The following GRID2 variants were observed in gnomAD, a reference collection of about 807,000 sequenced individuals.
GRID2 encodes the protein glutamate ionotropic receptor delta type subunit 2, also known as glutamate receptor ionotropic, delta-2.
Under a neutral mutation model 114.8 loss-of-function variants are expected in GRID2, and 33 were observed. The observed-to-expected ratio is 0.29, with a 90% CI of 0.22 to 0.38. The LOEUF (loss-of-function observed/expected upper bound fraction) is 0.38. GRID2 is among the 10% of genes least tolerant of loss of function. The pLI, the probability that GRID2 is intolerant of heterozygous loss-of-function variation, is 1.00. For synonymous variants in GRID2, 505 were observed against 449.9 expected (o/e 1.12, Z -1.55); for missense variants, 1,184 against 1,257.7 (o/e 0.94, Z 0.89).
chr4:93,600,398 A>G (rs1739553026), intron 13 of GRID2, among the ~76,000 whole-genome samples: 1 of 152,210 alleles, frequency 6.6e-6, no homozygotes, highest in Non-Finnish European at 1.5e-5. Flanking sequence ...ATAATAAAAA[A>G]TAAACAAAAG....
intron 14 of GRID2, among the ~76,000 whole-genome samples, chr4:93,685,958 A>C (rs777388916): frequency 6.6e-6 from 1 of 152,040 alleles, no homozygotes; most frequent in African/African-American, 2.4e-5. Flanking sequence ...AGTGTCTGAC[A>C]TAAGTTAGTG....
At chr4:92,595,882 A>G (rs1728927261) in intron 2 of GRID2, among the ~76,000 whole-genome samples, 1 of 152,150 alleles carries the variant, frequency 6.6e-6, no homozygotes, top group South Asian at 2.1e-4. Flanking sequence ...AGTCTAGTCC[A>G]AAGAAGATGT....
At chr4:93,362,442 T>A (rs1489496670) in intron 8 of GRID2, among the ~76,000 whole-genome samples, 1 of 151,978 alleles carries the variant, frequency 6.6e-6, no homozygotes, top group Non-Finnish European at 1.5e-5. Flanking sequence ...TTGTCTTAAA[T>A]GTTTGGCAGG....
intron 2 of GRID2, among the ~76,000 whole-genome samples, chr4:92,886,813 G>T (rs1242493304): frequency 6.6e-6 from 1 of 152,012 alleles, no homozygotes; most frequent in African/African-American, 2.4e-5. Flanking sequence ...TTTTAGTAGA[G>T]ACGGGGTTTC....
intron 13 of GRID2, among the ~76,000 whole-genome samples, chr4:93,557,553 T>A (rs1734444153): frequency 6.6e-6 from 1 of 152,214 alleles, no homozygotes; most frequent in Non-Finnish European, 1.5e-5. Context: ...CCTACATATA[T>A]ATGCACCCAA....
chr4:92,869,416 G>A (rs1215523121), intron 2 of GRID2, among the ~76,000 whole-genome samples: 1 of 152,174 alleles, frequency 6.6e-6, no homozygotes, highest in Non-Finnish European at 1.5e-5. Context: ...TGGATATAAT[G>A]AGCTGATCGA....
At chr4:93,275,747 G>A (rs768309858) in intron 8 of GRID2, among the ~76,000 whole-genome samples, 8 of 151,574 alleles carry the variant, frequency 5.3e-5, no homozygotes, top group Non-Finnish European at 8.9e-5. Flanking sequence ...TCCTGTGCTC[G>A]TTGGCCATTT....
At chr4:92,331,879 T>C (rs771538589) in intron 1 of GRID2, among the ~76,000 whole-genome samples, 7 of 152,216 alleles carry the variant, frequency 4.6e-5, no homozygotes, top group African/African-American at 7.2e-5. Flanking sequence ...TATTTTCCCC[T>C]ACCTCTTTCC....
At chr4:93,043,030 T>TAGAAGATAAATATTTTTCCC (rs1725751865) in intron 2 of GRID2, among the ~76,000 whole-genome samples, 2 of 152,108 alleles carry the variant, frequency 1.3e-5, no homozygotes, top group South Asian at 2.1e-4. Context: ...TGTCTGATTA[T>TAGAAGATAAATATTTTTCCC]AGAAGATAAA....
chr4:93,164,169 G>A (rs1020946965), intron 4 of GRID2, among the ~76,000 whole-genome samples: 34 of 151,844 alleles, frequency 2.2e-4, no homozygotes, highest in African/African-American at 7.7e-4. Flanking sequence ...GGAAAAAAAA[G>A]GTAATTTAGA....
intron 1 of GRID2, among the ~76,000 whole-genome samples, chr4:92,412,727 G>C (rs1409013325): frequency 3.9e-5 from 6 of 152,054 alleles, no homozygotes; most frequent in African/African-American, 1.5e-4. Flanking sequence ...CACATACCCT[G>C]TTGCACTTTA....
intron 14 of GRID2, among the ~76,000 whole-genome samples, chr4:93,755,027 T>C (rs976390860): frequency 6.6e-6 from 1 of 152,212 alleles, no homozygotes; most frequent in Non-Finnish European, 1.5e-5. Context: ...ACGTTGTGCA[T>C]GTAGCTCTTG....
At chr4:93,080,526 A>G (rs1267777672) in intron 2 of GRID2, among the ~76,000 whole-genome samples, 1 of 152,188 alleles carries the variant, frequency 6.6e-6, no homozygotes, top group Non-Finnish European at 1.5e-5. Flanking sequence ...ATACATGACT[A>G]CCACACTGGA....
At chr4:92,948,095 T>C (rs1181749860) in intron 2 of GRID2, among the ~76,000 whole-genome samples, 1 of 151,908 alleles carries the variant, frequency 6.6e-6, no homozygotes, top group Non-Finnish European at 1.5e-5. Context: ...TATTTATGGC[T>C]CCTAATAATT....
At position 92,858,559 on chromosome 4, in the gene GRID2, T is replaced by C. The variant is rs182609777; in HGVS notation, c.245-226436T>C. ...TTTTAATGAATGAGGAGTTTGTTTG[T>C]TTTTTTTCTTTCTTTTGAGACGGAG... On this transcript the variant is annotated intron_variant, in intron 2 of 15. Transcript: ENST00000282020. Among the ~76,000 whole-genome samples, 17 of 152,084 alleles carry C rather than the reference T, an allele frequency of 1.1e-4. No homozygotes were observed. The East Asian group carries it at 3.3e-3, about 29-fold the overall frequency.
At chr4:92,637,366 A>G (rs1247987640) in intron 2 of GRID2, among the ~76,000 whole-genome samples, 2 of 152,070 alleles carry the variant, frequency 1.3e-5, no homozygotes, top group African/African-American at 2.4e-5. Context: ...TAAGTTAACT[A>G]AAAGTGGCAT....
At chr4:92,861,763 G>T (rs1744549139) in intron 2 of GRID2, among the ~76,000 whole-genome samples, 1 of 151,892 alleles carries the variant, frequency 6.6e-6, no homozygotes, top group Non-Finnish European at 1.5e-5. Context: ...TAACTAATCA[G>T]ACTACTCTTT....
chr4:93,127,898 G>C (rs1734421230), intron 4 of GRID2, among the ~76,000 whole-genome samples: 1 of 151,628 alleles, frequency 6.6e-6, no homozygotes, highest in Non-Finnish European at 1.5e-5. Context: ...GTACATGCCT[G>C]TAGTCCTAGC....
intron 2 of GRID2, among the ~76,000 whole-genome samples, chr4:92,744,770 T>C (rs749639314): frequency 3.3e-5 from 5 of 152,144 alleles, no homozygotes; most frequent in Non-Finnish European, 7.3e-5. Flanking sequence ...AAGCAAATAT[T>C]TACCTACTCA....
Sources: allele counts gnomAD v4.1 joint callset (sites outside exome capture counted in the v4.1 genomes callset), GRCh38; gene constraint gnomAD v4.1.1; transcripts MANE v1.5; gene names NCBI Gene and HGNC (gene_info 2026-07-23, HGNC 2026-07-21).